Variants in DCLK3 observed in about 807,000 individuals in gnomAD.
DCLK3 encodes the protein doublecortin like kinase 3.
In DCLK3, 30 loss-of-function variants were observed where a neutral mutation model predicts 46.4. The observed-to-expected ratio is 0.65, with a 90% confidence interval of 0.48 to 0.88. The LOEUF is 0.88. Ranked by LOEUF, DCLK3 falls within the 40% of genes least tolerant of loss-of-function variation. The pLI is 0.00. For synonymous variants in DCLK3, 401 were observed against 339.2 expected (o/e 1.18, Z -2.00); for missense variants, 846 against 907.1 (o/e 0.93, Z 0.87).
intron 3 of DCLK3, 148 bp from the exon 4 acceptor site, chr3:36,718,325 A>C (rs972696748): frequency 1.9e-6 from 2 of 1,028,338 alleles, no homozygotes; most frequent in Non-Finnish European, 2.8e-6. Context: ...TTCCAAACAC[A>C]GCTCCCTGCT....
intron 1 of DCLK3, among the ~76,000 whole-genome samples, chr3:36,758,221 T>A (rs977709043): frequency 4.6e-5 from 7 of 152,240 alleles, no homozygotes; most frequent in Non-Finnish European, 1.0e-4. Context: ...TGTTTTCACT[T>A]TCATGATCAC....
At chr3:36,750,342 A>G (rs1304405068) in intron 1 of DCLK3, among the ~76,000 whole-genome samples, 2 of 152,178 alleles carry the variant, frequency 1.3e-5, no homozygotes, top group Non-Finnish European at 2.9e-5. Flanking sequence ...TGGGCCTCCC[A>G]AAGCGCTGGG....
chr3:36,747,849 A>G (rs1701406219), intron 1 of DCLK3, among the ~76,000 whole-genome samples: 1 of 152,160 alleles, frequency 6.6e-6, no homozygotes, highest in Non-Finnish European at 1.5e-5. Context: ...AGAAATGCAG[A>G]ATTTCAGGCC....
Position 36,739,891 on chromosome 3 carries a change from G to C in DCLK3, c.83-807C>G, listed in dbSNP as rs543565318. On this transcript the variant is annotated intron_variant, in intron 1 of 4. Coordinates refer to ENST00000636136, the MANE Select transcript of DCLK3 (RefSeq NM_001394672.2). ...ACATTCTAGAACTTTGAAGGGCCAG[G>C]TTTGCTGCCCATGAAACACCAACAA... 2.6e-5 allele frequency: 4 copies of C among 152,124 alleles called. No individual in the cohort carries two copies. In the East Asian group the frequency reaches 5.8e-4, roughly 22 times the overall value. 9.4% of individuals were successfully genotyped at this position (152,124 alleles called of 1,614,324 possible).
chr3:36,762,147 C>A (rs1394156552), intron 1 of DCLK3, among the ~76,000 whole-genome samples: 1 of 152,174 alleles, frequency 6.6e-6, no homozygotes, highest in Admixed American at 6.5e-5. Flanking sequence ...ACACTGAACA[C>A]CTGTCTGCCA....
At chr3:36,722,539 C>G (rs558408826) in intron 2 of DCLK3, among the ~76,000 whole-genome samples, 36 of 152,104 alleles carry the variant, frequency 2.4e-4, no homozygotes, top group Non-Finnish European at 3.8e-4. Context: ...GTGTCCCTAC[C>G]CAAATCTCAT....
In DCLK3 at chr3:36,715,238, A is replaced by T; in HGVS notation, c.*90T>A. 1 of 1,422,316 alleles carries T rather than the reference A, an allele frequency of 7.0e-7. No homozygotes were observed. Among genetic ancestry groups the T allele is most frequent in the Non-Finnish European group, 9.5e-7 (1 of 1,053,390 alleles). The allele number at this position is 1,422,316 out of a possible 1,614,324, so 88.1% of individuals were successfully genotyped here. The stretch of plus-strand genomic sequence containing the variant: ...CCTCTGATTCACCAATTATGTGAAG[A>T]AGCCTCTTTCATTGTTTTTCTCTCA... On this transcript the variant is annotated 3_prime_UTR_variant, in exon 5 of 5. Coordinates refer to ENST00000636136, the MANE Select transcript of DCLK3 (RefSeq NM_001394672.2).
chr3:36,723,313 C>T (rs573218528), intron 2 of DCLK3, among the ~76,000 whole-genome samples: 5 of 152,246 alleles, frequency 3.3e-5, no homozygotes, highest in Non-Finnish European at 5.9e-5. Context: ...ATAAGGGAAA[C>T]AGAGCACAAA....
Position 36,713,140 on chromosome 3 carries a change from G to A in DCLK3, c.*2188C>T, listed in dbSNP as rs1212784164. On this transcript the variant is annotated 3_prime_UTR_variant, in exon 5 of 5. Transcript: ENST00000636136. ...GCCATTTAATTTTAGCTATTCTAAT[G>A]GGTGTATAGTGATATTTCATTGTGA... 1.3e-5 allele frequency: 2 copies of A among 152,150 alleles called. No individual in the cohort carries two copies. The highest frequency in any genetic ancestry group is 2.9e-5 in the Non-Finnish European group (2 of 68,010). 9.4% of individuals were successfully genotyped at this position (152,150 alleles called of 1,614,324 possible). A position where few individuals can be genotyped will look rare whatever the true frequency, so the allele number is the denominator to read the frequency against.
rs1701010137 is a variant in DCLK3 at position 36,718,215 on chromosome 3, A to T, written c.2093-38T>A. On this transcript the variant is annotated intron_variant, in intron 3 of 4. Coordinates refer to ENST00000636136, the MANE Select transcript of DCLK3 (RefSeq NM_001394672.2). ...AGGCAGAGACACAAGCAAACCTGAG[A>T]CCAGGCAGGGTCAAAGGTGATGAAA... 2.5e-6 allele frequency: 4 copies of T among 1,612,338 alleles called. No homozygotes were observed. The South Asian group carries it at 4.4e-5, about 18-fold the overall frequency.
At chr3:36,752,591 G>C (rs1157709692) in intron 1 of DCLK3, among the ~76,000 whole-genome samples, 1 of 152,144 alleles carries the variant, frequency 6.6e-6, no homozygotes, top group Non-Finnish European at 1.5e-5. Context: ...CCCAGAGGTG[G>C]CTGGAGTGTC....
At position 36,738,156 on chromosome 3, in the gene DCLK3, C is replaced by T. The variant is rs1167092817; in HGVS notation, c.1011G>A (p.Lys337=). The T allele has an allele frequency of 1.9e-6, 3 of 1,614,080 alleles. No individual in the cohort carries two copies. Residue 337 remains lysine, a synonymous_variant, in exon 2 of 5, where the codon AAG becomes AAA. Coordinates refer to ENST00000636136, the MANE Select transcript of DCLK3 (RefSeq NM_001394672.2). ...SLGTSELDMG[K]GPMYDVEKLV... ...GCTTCTCCACATCATACATTGGGCC[C>T]TTCCCCATATCCAGCTCACTGGTCC...
chr3:36,735,388 T>A (rs931968222), intron 2 of DCLK3, among the ~76,000 whole-genome samples: 1 of 152,224 alleles, frequency 6.6e-6, no homozygotes, highest in Non-Finnish European at 1.5e-5. Context: ...TTCAGACCCC[T>A]CATCCAACCA....
At chr3:36,716,119 A>G (rs1317594067) in intron 4 of DCLK3, among the ~76,000 whole-genome samples, 2 of 152,186 alleles carry the variant, frequency 1.3e-5, no homozygotes, top group African/African-American at 4.8e-5. Flanking sequence ...TTTTCTGCCC[A>G]AGACCATGAC....
chr3:36,757,816 G>A (rs1701501286), intron 1 of DCLK3, among the ~76,000 whole-genome samples: 1 of 151,952 alleles, frequency 6.6e-6, no homozygotes, highest in Admixed American at 6.6e-5. Context: ...CGACCTCCAA[G>A]ACCAAGAGTC....
chr3:36,752,211 G>A (rs1401304839), intron 1 of DCLK3, among the ~76,000 whole-genome samples: 1 of 152,214 alleles, frequency 6.6e-6, no homozygotes. Flanking sequence ...CAGGGGTGTG[G>A]GGAGGGGTAC....
chr3:36,737,665 T>G lies in DCLK3; in HGVS notation c.1502A>C (p.Asn501Thr). ...EKEPKTRPEE[N>T]KPERPSGRKP... ...CCGACCGCTGGGCCGCTCTGGCTTG[T>G]TCTCTTCTGGCCTCGTCTTGGGCTC... The change falls in exon 2 of 5, where the codon AAC (asparagine) becomes ACC (threonine). Residue 501 changes from asparagine (N) to threonine (T), a missense_variant. Coordinates refer to ENST00000636136, the MANE Select transcript of DCLK3 (RefSeq NM_001394672.2). This position sits in a 1 kb window ranked among gnomAD's most constrained non-coding sequence, Gnocchi z 4.4. 6.2e-7 allele frequency: 1 copy of G among 1,613,890 alleles called. No homozygotes were observed. The highest frequency in any genetic ancestry group is 8.5e-7 in the Non-Finnish European group (1 of 1,179,898).
At chr3:36,758,401 G>C (rs1043563681) in intron 1 of DCLK3, among the ~76,000 whole-genome samples, 56 of 152,116 alleles carry the variant, frequency 3.7e-4, no homozygotes, top group African/African-American at 1.2e-3. Flanking sequence ...CCCCATTGTG[G>C]TGATATTGAA....
Position 36,737,401 on chromosome 3 carries a change from A to G in DCLK3, c.1766T>C (p.Val589Ala). The G allele has an allele frequency of 6.2e-7, 1 of 1,614,184 alleles. No individual in the cohort carries two copies. Among genetic ancestry groups the G allele is most frequent in the Non-Finnish European group, 8.5e-7 (1 of 1,180,040 alleles). ...SHPNIVKLHE[V>A]YETDMEIYLI... ...GTAGATTTCCATGTCTGTTTCGTAGACTTCATGCAATTTCACGATGTTGGG... is the reference window on the plus strand; with the variant it reads ...GTAGATTTCCATGTCTGTTTCGTAGGCTTCATGCAATTTCACGATGTTGGG... Residue 589 changes from valine to alanine, a missense_variant, in exon 2 of 5, where the codon GTC (valine) becomes GCC (alanine). Physicochemically the swap from Val to Ala is moderately conservative, Grantham distance 64. Around this residue, in one of 3 missense-constraint regions of DCLK3, gnomAD observed 247 missense variants for 322.8 expected, o/e 0.77. Coordinates refer to ENST00000636136, the MANE Select transcript of DCLK3 (RefSeq NM_001394672.2). This position sits in a 1 kb window ranked among gnomAD's most constrained non-coding sequence, Gnocchi z 4.4.
Sources: allele counts gnomAD v4.1 joint callset (sites outside exome capture counted in the v4.1 genomes callset), GRCh38; gene constraint gnomAD v4.1.1; regional missense constraint gnomAD v4.1.1; non-coding constraint Gnocchi (gnomAD v3.1); transcripts MANE v1.5; gene names NCBI Gene and HGNC (gene_info 2026-07-23, HGNC 2026-07-21).